GPC5: variants seen among roughly 807,000 people sequenced by gnomAD.
GPC5 encodes the protein glypican 5.
In GPC5, 47 loss-of-function variants were observed where a neutral mutation model predicts 53.9. The observed-to-expected ratio is 0.87, with a 90% CI of 0.69 to 1.11. GPC5 has a LOEUF of 1.11. Among genes scored for constraint, GPC5 ranks in the 50% most tolerant of loss-of-function variants. The pLI, the probability that GPC5 is intolerant of heterozygous loss-of-function variation, is 0.00. For synonymous variants in GPC5, 286 were observed against 263.3 expected, an observed-to-expected ratio of 1.09 and a Z score of -0.84; for missense variants, 748 against 713.1, an observed-to-expected ratio of 1.05 and a Z score of -0.56.
At chr13:92,123,734 C>T in intron 6 of GPC5, among the ~76,000 whole-genome samples, 1 of 152,058 alleles carries the variant, frequency 6.6e-6, no homozygotes, top group East Asian at 1.9e-4. Flanking sequence ...TATGAATGCC[C>T]TATACATTTC....
At chr13:92,598,848 C>G (rs1414798495) in intron 7 of GPC5, among the ~76,000 whole-genome samples, 6 of 152,172 alleles carry the variant, frequency 3.9e-5, no homozygotes, top group Non-Finnish European at 5.9e-5. Context: ...GAAAACTCGT[C>G]TCTACTAAGA....
chr13:92,541,721 A>G (rs1382398781), intron 7 of GPC5, among the ~76,000 whole-genome samples: 1 of 151,440 alleles, frequency 6.6e-6, no homozygotes, highest in Non-Finnish European at 1.5e-5. Flanking sequence ...CTCCTACGCT[A>G]TTTTCTAACT....
At chr13:92,000,389 T>C (rs2040543963) in intron 6 of GPC5, among the ~76,000 whole-genome samples, 1 of 152,130 alleles carries the variant, frequency 6.6e-6, no homozygotes, top group Non-Finnish European at 1.5e-5. Context: ...CTTAAAACTT[T>C]AGGTGAGACA....
intron 6 of GPC5, among the ~76,000 whole-genome samples, chr13:91,932,263 A>G (rs537223433): frequency 6.6e-6 from 1 of 152,174 alleles, no homozygotes; most frequent in East Asian, 1.9e-4. Context: ...TCTGACAGAA[A>G]GGACAGGCTC....
At chr13:92,158,271 A>G (rs763160064) in intron 7 of GPC5, among the ~76,000 whole-genome samples, 10 of 152,238 alleles carry the variant, frequency 6.6e-5, no homozygotes, top group Non-Finnish European at 1.3e-4. Context: ...GGTGGCCTCT[A>G]CAATGCAGAA....
chr13:92,865,361 T>C (rs1217466361), intron 7 of GPC5, among the ~76,000 whole-genome samples: 1 of 152,202 alleles, frequency 6.6e-6, no homozygotes, highest in Non-Finnish European at 1.5e-5. Context: ...ATGGAAGATA[T>C]AATTTAACAT....
intron 6 of GPC5, among the ~76,000 whole-genome samples, chr13:92,100,890 C>A (rs991711126): frequency 2.0e-5 from 3 of 152,164 alleles, no homozygotes; most frequent in Non-Finnish European, 2.9e-5. Context: ...TACAGACATA[C>A]ATAATAATCT....
intron 7 of GPC5, among the ~76,000 whole-genome samples, chr13:92,505,335 T>C (rs11841451): frequency 2.0e-5 from 3 of 151,906 alleles, no homozygotes; most frequent in African/African-American, 7.2e-5. Flanking sequence ...AAAGAAGACA[T>C]GGAAGTCCAG....
chr13:91,519,927 A>G (rs1885714203), intron 2 of GPC5, among the ~76,000 whole-genome samples: 1 of 152,222 alleles, frequency 6.6e-6, no homozygotes, highest in Admixed American at 6.5e-5. Flanking sequence ...TATCAAAAAA[A>G]ATCAGTGAAA....
At chr13:91,568,533 T>G (rs569862266) in intron 2 of GPC5, among the ~76,000 whole-genome samples, 1 of 151,580 alleles carries the variant, frequency 6.6e-6, no homozygotes, top group Non-Finnish European at 1.5e-5. Flanking sequence ...GTACATCACA[T>G]TGCTAGGGAA....
At chr13:91,939,433 C>A (rs745733744) in intron 6 of GPC5, among the ~76,000 whole-genome samples, 1 of 152,110 alleles carries the variant, frequency 6.6e-6, no homozygotes, top group Non-Finnish European at 1.5e-5. Flanking sequence ...AGGTTGAATT[C>A]TCTTTCTACC....
At chr13:91,591,339 C>T (rs970855914) in intron 2 of GPC5, among the ~76,000 whole-genome samples, 8 of 152,162 alleles carry the variant, frequency 5.3e-5, no homozygotes, top group African/African-American at 1.9e-4. Context: ...CTATATCTGA[C>T]TTGACCTTTC....
chr13:92,333,873 G>A (rs928197403), intron 7 of GPC5, among the ~76,000 whole-genome samples: 2 of 152,036 alleles, frequency 1.3e-5, no homozygotes, highest in African/African-American at 4.8e-5. Flanking sequence ...GGCTCTTAAT[G>A]GATACATAAA....
intron 2 of GPC5, among the ~76,000 whole-genome samples, chr13:91,687,523 C>T (rs2035648178): frequency 6.6e-6 from 1 of 151,962 alleles, no homozygotes; most frequent in Non-Finnish European, 1.5e-5. Context: ...TGAGATAACA[C>T]ATAAATGATT....
At chr13:92,121,533 A>C (rs2041649007) in intron 6 of GPC5, among the ~76,000 whole-genome samples, 2 of 152,212 alleles carry the variant, frequency 1.3e-5, no homozygotes, top group Non-Finnish European at 2.9e-5. Flanking sequence ...GATAGGGAGA[A>C]GTATGTGGAA....
intron 6 of GPC5, among the ~76,000 whole-genome samples, chr13:91,983,206 C>A (rs540936908): frequency 1.3e-5 from 2 of 152,054 alleles, no homozygotes; most frequent in Non-Finnish European, 2.9e-5. Context: ...ATTAGCCGGG[C>A]GTACTGGCGG....
chr13:92,170,446 G>C (rs2042062057), intron 7 of GPC5, among the ~76,000 whole-genome samples: 1 of 43,930 alleles, frequency 2.3e-5, no homozygotes, highest in African/African-American at 9.8e-5. Flanking sequence ...TTTTTTTTGA[G>C]ACAGAGTCTC....
chr13:92,678,675 G>A lies in GPC5; in HGVS notation c.1562-187607G>A, dbSNP rs534708539. 2.6e-5 allele frequency among the ~76,000 whole-genome samples: 4 copies of A among 152,262 alleles called. No homozygotes were observed. In the East Asian group the frequency reaches 7.7e-4, roughly 29 times the overall value. On this transcript the variant is annotated intron_variant, in intron 7 of 7. Transcript: ENST00000377067. Reference sequence around the variant, plus strand: ...ACCATAGAGAGTCTTAGATGTCATCGTGGAGATTTCTATGGAGGTGAAATG... The same window carrying A: ...ACCATAGAGAGTCTTAGATGTCATCATGGAGATTTCTATGGAGGTGAAATG...
At chr13:92,385,708 TAC>T (rs200388556) in intron 7 of GPC5, among the ~76,000 whole-genome samples, 24 of 139,510 alleles carry the variant, frequency 1.7e-4, no homozygotes, top group Admixed American at 9.6e-4. Flanking sequence ...TACACATATA[TAC>T]ACATATATAC....
Sources: allele counts gnomAD v4.1 joint callset (sites outside exome capture counted in the v4.1 genomes callset), GRCh38; gene constraint gnomAD v4.1.1; transcripts MANE v1.5; gene names NCBI Gene and HGNC (gene_info 2026-07-23, HGNC 2026-07-21).